GRIA3: variants seen among roughly 807,000 people sequenced by gnomAD.
GRIA3 encodes the protein glutamate receptor 3.
GRIA3 carries 3 observed loss-of-function variants against 63.0 expected under a neutral mutation model. The observed-to-expected ratio is 0.05, with a 90% CI of 0.02 to 0.12. GRIA3 has a LOEUF of 0.12. GRIA3 is among the 10% of genes least tolerant of loss of function. The pLI is 1.00. For synonymous variants in GRIA3, 274 were observed against 257.9 expected, an observed-to-expected ratio of 1.06 and a Z score of -0.60; for missense variants, 347 against 700.9, an observed-to-expected ratio of 0.50 and a Z score of 5.70.
At chrX:123,242,249 AT>A (rs1449048113) in intron 2 of GRIA3, among the ~76,000 whole-genome samples, 1 of 112,068 alleles carries the variant, frequency 8.9e-6, no homozygotes, top group Non-Finnish European at 1.9e-5. Flanking sequence ...TTTGAGAATA[AT>A]TTTTGTTTGG....
intron 3 of GRIA3, among the ~76,000 whole-genome samples, chrX:123,293,490 T>C (rs1319002324): frequency 1.8e-5 from 2 of 110,536 alleles, no homozygotes; most frequent in Non-Finnish European, 3.8e-5. Context: ...CTGCATCCCC[T>C]GTGCTTTTGC....
intron 3 of GRIA3, among the ~76,000 whole-genome samples, chrX:123,288,347 T>C (rs1446072604): frequency 1.8e-5 from 2 of 112,429 alleles, no homozygotes; most frequent in East Asian, 2.8e-4. Context: ...ATTCAGGACA[T>C]AGGCATGGGC....
intron 3 of GRIA3, among the ~76,000 whole-genome samples, chrX:123,273,220 C>T (rs1467686281): frequency 9.0e-6 from 1 of 111,681 alleles, no homozygotes; most frequent in Non-Finnish European, 1.9e-5. Context: ...GACCATCTTC[C>T]CCTCTCAAGG....
intron 4 of GRIA3, among the ~76,000 whole-genome samples, chrX:123,334,692 G>T (rs907561006): frequency 9.0e-6 from 1 of 111,487 alleles, no homozygotes; most frequent in South Asian, 3.8e-4. Flanking sequence ...TTTGAGAGTC[G>T]TTGGGATGAC....
intron 3 of GRIA3, among the ~76,000 whole-genome samples, chrX:123,271,952 G>A (rs768223656): frequency 9.0e-6 from 1 of 111,583 alleles, no homozygotes; most frequent in African/African-American, 3.3e-5. Flanking sequence ...GGGAAAAAGG[G>A]TAACTCAGTC....
chrX:123,344,655 G>A (rs1156695257), intron 4 of GRIA3, among the ~76,000 whole-genome samples: 6 of 111,564 alleles, frequency 5.4e-5, no homozygotes, highest in Non-Finnish European at 1.1e-4. Flanking sequence ...TCTGCCTTCA[G>A]GAGAGTCCTG....
At chrX:123,204,403 T>C in intron 2 of GRIA3, 12 of 1,160,110 alleles carry the variant, frequency 1.0e-5, no homozygotes, top group Non-Finnish European at 1.4e-5. Flanking sequence ...GTTCAAGGCG[T>C]TACAGGTGAA....
chrX:123,319,522 T>A (rs766483127), intron 3 of GRIA3, among the ~76,000 whole-genome samples: 69 of 112,094 alleles, frequency 6.2e-4, no homozygotes, highest in African/African-American at 2.1e-3. Flanking sequence ...TTTCCAAATG[T>A]CCAAACTGAG....
At chrX:123,424,843 A>G (rs1442496220) in intron 11 of GRIA3, among the ~76,000 whole-genome samples, 1 of 112,134 alleles carries the variant, frequency 8.9e-6, no homozygotes, top group African/African-American at 3.2e-5. Flanking sequence ...ACACAGCCAC[A>G]GTCCATTAGC....
chrX:123,471,367 G>T (rs910573332), intron 13 of GRIA3, among the ~76,000 whole-genome samples: 1 of 112,105 alleles, frequency 8.9e-6, no homozygotes, highest in African/African-American at 3.2e-5. Context: ...CCATTCTAAT[G>T]ATTTTTTAAA....
At chrX:123,184,901 C>T in intron 1 of GRIA3, 1 of 472,396 alleles carries the variant, frequency 2.1e-6, no homozygotes, top group Non-Finnish European at 3.8e-6. Flanking sequence ...CTAGGTTTTC[C>T]GAGCCGAGAG....
chrX:123,207,267 T>C (rs1927915475), intron 2 of GRIA3, among the ~76,000 whole-genome samples: 1 of 111,952 alleles, frequency 8.9e-6, no homozygotes, highest in Non-Finnish European at 1.9e-5. Flanking sequence ...TTGTAGATAC[T>C]GCTAGGAATA....
At chrX:123,299,638 T>C (rs569842161) in intron 3 of GRIA3, among the ~76,000 whole-genome samples, 1 of 111,606 alleles carries the variant, frequency 9.0e-6, no homozygotes, top group Admixed American at 9.5e-5. Context: ...GCTGAGACTA[T>C]GGAATTTTCT....
At chrX:123,265,602 G>A (rs762271637) in intron 3 of GRIA3, among the ~76,000 whole-genome samples, 11 of 111,958 alleles carry the variant, frequency 9.8e-5, no homozygotes, top group Admixed American at 1.9e-4. Flanking sequence ...CTCAGGTGTG[G>A]CAGAGGCAGA....
At chrX:123,399,668 CT>C (rs1304057539) in intron 7 of GRIA3, among the ~76,000 whole-genome samples, 4 of 111,972 alleles carry the variant, frequency 3.6e-5, no homozygotes. Flanking sequence ...TTTAGTTATC[CT>C]GATGTTTGGG....
intron 4 of GRIA3, among the ~76,000 whole-genome samples, chrX:123,343,642 AG>A (rs1020777607): frequency 4.6e-5 from 5 of 109,884 alleles, no homozygotes; most frequent in Non-Finnish European, 7.6e-5. Context: ...TCAGAGACAG[AG>A]AGAGAGAGAG....
intron 2 of GRIA3, among the ~76,000 whole-genome samples, chrX:123,226,802 T>A (rs1266988313): frequency 9.0e-6 from 1 of 111,695 alleles, no homozygotes; most frequent in Non-Finnish European, 1.9e-5. Flanking sequence ...ATGCAAATAG[T>A]CATTCTTGTA....
chrX:123,191,805 G>C (rs1030508845), intron 2 of GRIA3, among the ~76,000 whole-genome samples: 4 of 110,883 alleles, frequency 3.6e-5, no homozygotes, highest in Non-Finnish European at 7.5e-5. Flanking sequence ...CTCTACTTTG[G>C]GGGTGACAGC....
At chrX:123,225,524 C>G (rs1032568303) in intron 2 of GRIA3, among the ~76,000 whole-genome samples, 7 of 111,758 alleles carry the variant, frequency 6.3e-5, no homozygotes, top group African/African-American at 2.3e-4. Flanking sequence ...TTGGGATAAC[C>G]AAAAGCTTTG....
Sources: gnomAD v4.1 joint callset for allele counts (sites outside exome capture counted in the v4.1 genomes callset) on GRCh38, gnomAD v4.1.1 for gene constraint, MANE v1.5 for transcripts, NCBI Gene and HGNC (gene_info 2026-07-23, HGNC 2026-07-21) for gene names.